Variants in CLOCK observed in about 807,000 individuals in gnomAD.
The protein encoded by CLOCK is clock circadian regulator.
In CLOCK, 43 loss-of-function variants were observed where a neutral mutation model predicts 118.4. The ratio of observed to expected loss-of-function variants is 0.36; its 90% CI spans 0.28 to 0.47. The LOEUF is 0.47. CLOCK is among the 20% of genes least tolerant of loss of function. The pLI is 1.00. For missense variants in CLOCK, 846 were observed against 999.9 expected (o/e 0.85, Z 2.08); for synonymous variants, 326 against 339.2 (o/e 0.96, Z 0.43).
intron 21 of CLOCK, among the ~76,000 whole-genome samples, chr4:55,441,091 G>A (rs987198541): frequency 4.6e-5 from 7 of 152,126 alleles, no homozygotes; most frequent in African/African-American, 1.7e-4. Context: ...TACTAGTTTG[G>A]TCTTTCCCTT....
chr4:55,500,308 T>C (rs1435469914), intron 2 of CLOCK, among the ~76,000 whole-genome samples: 1 of 152,160 alleles, frequency 6.6e-6, no homozygotes, highest in Non-Finnish European at 1.5e-5. Flanking sequence ...TTTGTTTCTA[T>C]CTAGAGGGTT....
chr4:55,498,602 C>CCTTCTT (rs771638739), intron 2 of CLOCK, among the ~76,000 whole-genome samples: 35 of 73,992 alleles, frequency 4.7e-4, no homozygotes, highest in Non-Finnish European at 6.8e-4. Context: ...CTATCTAGTT[C>CCTTCTT]CTTATTATTA....
intron 8 of CLOCK, among the ~76,000 whole-genome samples, chr4:55,464,107 G>A (rs1222030393): frequency 6.6e-6 from 1 of 152,164 alleles, no homozygotes; most frequent in Non-Finnish European, 1.5e-5. Flanking sequence ...AATCTCTGGC[G>A]ACAAGTCATA....
intron 1 of CLOCK, among the ~76,000 whole-genome samples, chr4:55,530,718 T>C (rs1473311385): frequency 3.1e-5 from 4 of 129,348 alleles, no homozygotes; most frequent in African/African-American, 1.2e-4. Flanking sequence ...GAGGTTGCAG[T>C]GAGCCGAGAT....
At position 55,466,291 on chromosome 4, in the gene CLOCK, C is replaced by T. The variant is rs552284594; in HGVS notation, c.439-2486G>A. Among the ~76,000 whole-genome samples the T allele has an allele frequency of 2.6e-5, 4 of 152,220 alleles. No homozygotes were observed. In the South Asian group the frequency reaches 6.2e-4, roughly 24 times the overall value. ...CTTCCTGCTGCCATGTGAAGAGGGA[C>T]GTGTTTGCTTCCCCTTCCGCCATGA... On this transcript the variant is annotated intron_variant, in intron 8 of 22. Transcript: ENST00000513440.
In CLOCK at chr4:55,435,018, A is replaced by C. The variant is rs1413039058; in HGVS notation, c.*397T>G. 16 of 263,440 alleles carry C rather than the reference A, an allele frequency of 6.1e-5. No homozygotes were observed. The highest frequency in any genetic ancestry group is 1.1e-4 in the Non-Finnish European group (15 of 132,580). The allele number at this position is 263,440 out of a possible 1,614,324, so 16.3% of individuals were successfully genotyped here. A position where few individuals can be genotyped will look rare whatever the true frequency, so the allele number is the denominator to read the frequency against. On this transcript the variant is annotated 3_prime_UTR_variant, in exon 23 of 23. Transcript: ENST00000513440. ...GCATCACTGTAAGCAAACCCCTGAC[A>C]TGGCAGTGGTATGTCCTCTGTAACA...
At chr4:55,449,347 C>T (rs765960779) in intron 17 of CLOCK, 49 bp downstream of exon 17, 5 of 1,469,590 alleles carry the variant, frequency 3.4e-6, no homozygotes, top group Admixed American at 1.7e-5. Flanking sequence ...GATCATTTTT[C>T]CCCTCTTAAT....
chr4:55,520,342 A>T (rs929340928), intron 1 of CLOCK, among the ~76,000 whole-genome samples: 3 of 152,192 alleles, frequency 2.0e-5, no homozygotes, highest in Admixed American at 1.3e-4. Flanking sequence ...ATTACAGATG[A>T]AAGCTTTAGA....
rs868470588 is a variant in CLOCK at position 55,517,841 on chromosome 4, G to T, written c.-289-7776C>A. On this transcript the variant is annotated intron_variant, in intron 1 of 22. Transcript: ENST00000513440. ...CATTACTCTCATACATTGCTGGTGG[G>T]AGTATAAATTGATATAAACTTTATA... 2.6e-5 allele frequency among the ~76,000 whole-genome samples: 4 copies of T among 152,192 alleles called. No homozygotes were observed. In the South Asian group the frequency reaches 6.2e-4, roughly 24 times the overall value.
chr4:55,460,250 A>C (rs752731896), intron 9 of CLOCK, among the ~76,000 whole-genome samples: 2 of 152,026 alleles, frequency 1.3e-5, no homozygotes, highest in Non-Finnish European at 1.5e-5. Flanking sequence ...GACTATTCCT[A>C]TCTCTTCTGC....
intron 8 of CLOCK, 27 bp from the exon 9 acceptor site, chr4:55,463,832 A>G (rs754570133): frequency 6.3e-7 from 1 of 1,589,954 alleles, no homozygotes; most frequent in Non-Finnish European, 8.6e-7. Context: ...TAAAAGTAAA[A>G]TAACTTCAAT....
At chr4:55,508,970 TA>T (rs1252975399) in intron 2 of CLOCK, among the ~76,000 whole-genome samples, 5 of 152,230 alleles carry the variant, frequency 3.3e-5, no homozygotes, top group Non-Finnish European at 7.3e-5. Context: ...CTAGATGGTA[TA>T]GCCTACTATA....
chr4:55,479,890 T>A, intron 4 of CLOCK, among the ~76,000 whole-genome samples, 191 bp from the exon 5 acceptor site: 1 of 152,330 alleles, frequency 6.6e-6, no homozygotes, highest in South Asian at 2.1e-4. Flanking sequence ...ATTTTTAAGC[T>A]TATTACATAA....
chr4:55,489,051 T>A (rs1727494168), intron 3 of CLOCK, among the ~76,000 whole-genome samples: 1 of 152,216 alleles, frequency 6.6e-6, no homozygotes, highest in African/African-American at 2.4e-5. Context: ...TATCCATTTA[T>A]CCATTTTAAT....
chr4:55,436,185 GATTAA>G (rs1277036336), intron 22 of CLOCK, among the ~76,000 whole-genome samples: 1 of 152,066 alleles, frequency 6.6e-6, no homozygotes, highest in Non-Finnish European at 1.5e-5. Flanking sequence ...TCTTAATAAA[GATTAA>G]ATATTAATAT....
chr4:55,475,519 C>T (rs1726449712), intron 7 of CLOCK, among the ~76,000 whole-genome samples: 1 of 152,134 alleles, frequency 6.6e-6, no homozygotes, highest in Admixed American at 6.6e-5. Context: ...AACAGCACTG[C>T]ATGTTACAGA....
intron 1 of CLOCK, among the ~76,000 whole-genome samples, chr4:55,539,544 G>A (rs1478177190): frequency 8.6e-6 from 1 of 116,756 alleles, no homozygotes; most frequent in Admixed American, 1.2e-4. Flanking sequence ...CTACACTCCA[G>A]CCTGGGTGCC....
chr4:55,493,636 G>C (rs553352885), intron 2 of CLOCK, among the ~76,000 whole-genome samples: 1 of 152,250 alleles, frequency 6.6e-6, no homozygotes, highest in Non-Finnish European at 1.5e-5. Flanking sequence ...TTTAATGTAC[G>C]AGGAAAAAAT....
At chr4:55,477,154 A>G (rs1240170378) in intron 6 of CLOCK, among the ~76,000 whole-genome samples, 1 of 152,128 alleles carries the variant, frequency 6.6e-6, no homozygotes, top group Non-Finnish European at 1.5e-5. Context: ...TGATACATAT[A>G]TAAAATCCTT....
Sources: gnomAD v4.1 joint callset for allele counts (sites outside exome capture counted in the v4.1 genomes callset) on GRCh38, gnomAD v4.1.1 for gene constraint, MANE v1.5 for transcripts, NCBI Gene and HGNC (gene_info 2026-07-23, HGNC 2026-07-21) for gene names.